SFI1: variants seen among roughly 807,000 people sequenced by gnomAD.
The protein encoded by SFI1 is protein SFI1 homolog.
SFI1 carries 195 observed loss-of-function variants against 207.5 expected under a neutral mutation model. The observed-to-expected ratio is 0.94, with a 90% confidence interval of 0.84 to 1.06. The LOEUF (loss-of-function observed/expected upper bound fraction) is 1.06, where lower values mean the gene tolerates loss of function less well. Among genes scored for constraint, SFI1 ranks in the 50% least tolerant of loss-of-function variants. The pLI, the probability that SFI1 is intolerant of heterozygous loss-of-function variation, is 0.00. For synonymous variants in SFI1, 630 were observed against 598.9 expected, an observed-to-expected ratio of 1.05 and a Z score of -0.76; for missense variants, 1,634 against 1,588.0, an observed-to-expected ratio of 1.03 and a Z score of -0.49.
chr22:31,558,226 T>A lies in SFI1; in HGVS notation c.662+1167T>A, dbSNP rs572527214. On this transcript the variant is annotated intron_variant, in intron 7 of 32. Coordinates refer to ENST00000400288, the MANE Select transcript of SFI1 (RefSeq NM_001007467.3). ...AAAATCAGTGGACATAAAGAAGTTA[T>A]TTAAGTAGAAATAAAATAGGCAGAG... 8.5e-5 allele frequency among the ~76,000 whole-genome samples: 13 copies of A among 152,294 alleles called. No homozygotes were observed. The East Asian group carries it at 2.3e-3, about 27-fold the overall frequency.
chr22:31,574,587 T>G (rs1259059218), intron 9 of SFI1, among the ~76,000 whole-genome samples: 4 of 152,212 alleles, frequency 2.6e-5, no homozygotes, highest in Non-Finnish European at 5.9e-5. Context: ...AGTAAAACAG[T>G]CCTTTTTGAA....
At chr22:31,569,819 T>C (rs1014969947) in intron 8 of SFI1, among the ~76,000 whole-genome samples, 11 of 151,846 alleles carry the variant, frequency 7.2e-5, no homozygotes, top group African/African-American at 1.2e-4. Flanking sequence ...TATGGTGGCA[T>C]GTGTCTGTAG....
intron 19 of SFI1, 31 bp from the exon 20 acceptor site, chr22:31,604,838 G>A: frequency 6.2e-7 from 1 of 1,600,360 alleles, no homozygotes; most frequent in Non-Finnish European, 8.5e-7. Flanking sequence ...GTGGGCCCAA[G>A]AGCAGCCTCA....
chr22:31,612,233 AGCCAG>A (rs2070297653), intron 24 of SFI1: 2 of 276,308 alleles, frequency 7.2e-6, no homozygotes, highest in African/African-American at 4.6e-5. Flanking sequence ...AAAAAAAATC[AGCCAG>A]GCGTGGTGGT....
intron 9 of SFI1, 130 bp from the exon 10 acceptor site, chr22:31,575,085 CGTGTGTGTGTGTGTGT>C (rs71679890): frequency 0.021 from 6,036 of 285,510 alleles, 170 homozygotes; most frequent in African/African-American, 0.058. Flanking sequence ...AAACTTAGTG[CGTGTGTGTGTGTGTGT>C]GTGTGTGTGT....
chr22:31,611,122 T>C (rs1471437175), intron 22 of SFI1, 21 bp from the exon 23 acceptor site: 2 of 1,613,658 alleles, frequency 1.2e-6, no homozygotes, highest in Non-Finnish European at 1.7e-6. Context: ...AACAGCAAAC[T>C]CTGACTTGGA....
rs1301046058 is a variant in SFI1, at chr22:31,568,224, A to ATTT, written c.766-4833_766-4832insTTT. On this transcript the variant is annotated intron_variant, in intron 8 of 32. Transcript: ENST00000400288. ...TGTGTGTGTGTGTATATATATATAT[A>ATTT]TATTTTTTTTTTTTTACCATAAATG... Among the ~76,000 whole-genome samples, 1,029 of 124,380 alleles carry ATTT rather than the reference A, an allele frequency of 8.3e-3. 17 individuals are homozygous for ATTT. The highest frequency in any genetic ancestry group is 0.031 in the African/African-American group (985 of 31,856). The allele number at this position is 124,380 out of a possible 152,430, so 81.6% of individuals were successfully genotyped here.
chr22:31,502,739 A>AT (rs1275708949), intron 1 of SFI1, among the ~76,000 whole-genome samples: 1 of 151,848 alleles, frequency 6.6e-6, no homozygotes, highest in Admixed American at 6.6e-5. Flanking sequence ...TGTTGGGTTT[A>AT]TTTTGGTCTC....
chr22:31,530,670 G>C (rs1172872300), intron 3 of SFI1: 5 of 470,326 alleles, frequency 1.1e-5, no homozygotes, highest in African/African-American at 1.0e-4. Flanking sequence ...TACAGGAGGG[G>C]TTTGAACAGA....
chr22:31,595,031 C>G (rs1021444305), intron 15 of SFI1, among the ~76,000 whole-genome samples: 1 of 151,720 alleles, frequency 6.6e-6, no homozygotes, highest in African/African-American at 2.4e-5. Context: ...GAGTCTTGTC[C>G]TTTCGCCCAG....
chr22:31,527,327 A>G (rs2058030192), intron 2 of SFI1, among the ~76,000 whole-genome samples: 1 of 152,196 alleles, frequency 6.6e-6, no homozygotes, highest in Non-Finnish European at 1.5e-5. Context: ...CATTTCTTTA[A>G]ACATATTCAT....
At chr22:31,512,629 T>C (rs1169716054) in intron 2 of SFI1, among the ~76,000 whole-genome samples, 1 of 151,818 alleles carries the variant, frequency 6.6e-6, no homozygotes, top group African/African-American at 2.4e-5. Context: ...ACAATTCTCC[T>C]GCCTCAGCCT....
In SFI1 at chr22:31,545,644, C is replaced by T. The variant is rs1032701125; in HGVS notation, c.339-1217C>T. Among the ~76,000 whole-genome samples the T allele has an allele frequency of 7.3e-5, 11 of 151,490 alleles. No homozygotes were observed. The East Asian group carries it at 9.7e-4, about 13-fold the overall frequency. ...TTGCCCATGTTGGAGTGCAGTGGCT[C>T]GATCTCGGCTCACCACAACCTCTGC... On this transcript the variant is annotated intron_variant, in intron 4 of 32. Transcript: ENST00000400288.
At position 31,613,214 on chromosome 22, in the gene SFI1, A is replaced by G. The variant is rs769779568; in HGVS notation, c.2563A>G (p.Lys855Glu). ...GTTCTGGGCCTTCTCGCTGCAGGCA[A>G]AGGTAATTGGGGCTCTGCATCCTAC... ...LWFWAFSLQA[K>E]VWATWLAFVL... Residue 855 changes from lysine (K) to glutamate (E), a missense_variant and splice_region_variant, in exon 25 of 33, where the codon AAG (lysine) becomes GAG (glutamate). Coordinates refer to ENST00000400288, the MANE Select transcript of SFI1 (RefSeq NM_001007467.3). 3.7e-6 allele frequency: 6 copies of G among 1,613,730 alleles called. 1 individual carries two copies. In the South Asian group the frequency reaches 6.6e-5, roughly 18 times the overall value.
At chr22:31,593,747 A>C (rs1007133427) in intron 15 of SFI1, among the ~76,000 whole-genome samples, 1 of 150,404 alleles carries the variant, frequency 6.6e-6, no homozygotes, top group African/African-American at 2.5e-5. Flanking sequence ...CAATCCTGGC[A>C]CCTCGGGAGG....
At chr22:31,612,399 ATATAT>A (rs1459121532) in intron 24 of SFI1, 34 of 57,088 alleles carry the variant, frequency 6.0e-4, no homozygotes, top group African/African-American at 2.1e-3. Flanking sequence ...AAAAAAAAAA[ATATAT>A]ATATATATAT....
intron 15 of SFI1, among the ~76,000 whole-genome samples, chr22:31,590,951 T>TTGTA (rs1049302575): frequency 6.9e-6 from 1 of 144,278 alleles, no homozygotes; most frequent in African/African-American, 2.6e-5. Flanking sequence ...ACTTTTTTCT[T>TTGTA]TTTATTTATT....
At chr22:31,590,526 CAG>C (rs2065711621) in intron 15 of SFI1, among the ~76,000 whole-genome samples, 3 of 145,982 alleles carry the variant, frequency 2.1e-5, no homozygotes, top group East Asian at 2.0e-4. Context: ...TTTTTTGAGA[CAG>C]AGTTTCACTC....
chr22:31,579,435 C>A (rs776193701), intron 11 of SFI1, among the ~76,000 whole-genome samples: 2 of 152,112 alleles, frequency 1.3e-5, no homozygotes, highest in Non-Finnish European at 2.9e-5. Context: ...CCTGCCTCAG[C>A]CTCCCGAGTA....
Sources: allele counts gnomAD v4.1 joint callset (sites outside exome capture counted in the v4.1 genomes callset), GRCh38; gene constraint gnomAD v4.1.1; transcripts MANE v1.5; gene names NCBI Gene and HGNC (gene_info 2026-07-23, HGNC 2026-07-21).